The following TWSG1 variants were observed in gnomAD, a reference collection of about 807,000 sequenced individuals.
The protein encoded by TWSG1 is twisted gastrulation protein homolog 1.
Under a neutral mutation model 23.0 loss-of-function variants are expected in TWSG1, and 15 were observed. That is an observed-to-expected ratio of 0.65 (90% confidence interval 0.44 to 1.00). The LOEUF (loss-of-function observed/expected upper bound fraction) is 1.00, where lower values mean the gene tolerates loss of function less well. Ranked by LOEUF, TWSG1 falls within the 50% of genes least tolerant of loss-of-function variation. The probability of loss-of-function intolerance (pLI) is 0.00; values close to 1 mark genes in which losing one functional copy is unlikely to be tolerated. For missense variants in TWSG1, 242 were observed against 278.7 expected (o/e 0.87, Z 0.94); for synonymous variants, 86 against 92.8 (o/e 0.93, Z 0.42).
chr18:9,397,526 A>G (rs934120042), intron 4 of TWSG1, among the ~76,000 whole-genome samples: 14 of 152,260 alleles, frequency 9.2e-5, no homozygotes, highest in Non-Finnish European at 1.8e-4. Flanking sequence ...TGTAAAGAGC[A>G]TGTGACTTTT....
At chr18:9,381,401 A>C (rs1269235763) in intron 3 of TWSG1, among the ~76,000 whole-genome samples, 1 of 152,216 alleles carries the variant, frequency 6.6e-6, no homozygotes, top group Non-Finnish European at 1.5e-5. Flanking sequence ...TCACACAGCT[A>C]TGTAATTGGA....
chr18:9,337,674 G>T (rs138994910), intron 2 of TWSG1, among the ~76,000 whole-genome samples: 1 of 152,268 alleles, frequency 6.6e-6, no homozygotes, highest in East Asian at 1.9e-4. Context: ...TTCAATGAAT[G>T]TATTTAGAAA....
chr18:9,402,349 C>T lies in TWSG1; in HGVS notation c.*2822C>T, dbSNP rs185509633. ...TTATTGTATTTTATATGATCTACAA[C>T]ATATAAAATTGTGTATTTTTCTTTG... is the stretch of plus-strand genomic sequence containing the variant. On this transcript the variant is annotated 3_prime_UTR_variant, in exon 5 of 5. Coordinates refer to ENST00000262120, the MANE Select transcript of TWSG1 (RefSeq NM_020648.6). The T allele has an allele frequency of 1.3e-3, 195 of 152,140 alleles. No homozygotes were observed. The highest frequency in any genetic ancestry group is 4.5e-3 in the African/African-American group (185 of 41,512). 9.4% of individuals were successfully genotyped at this position (152,140 alleles called of 1,614,324 possible). A position where few individuals can be genotyped will look rare whatever the true frequency, so the allele number is the denominator to read the frequency against.
At chr18:9,353,041 G>A (rs972518286) in intron 2 of TWSG1, among the ~76,000 whole-genome samples, 1 of 152,122 alleles carries the variant, frequency 6.6e-6, no homozygotes. Flanking sequence ...GTGTAGACAT[G>A]CAAATATTTA....
chr18:9,363,113 G>T (rs879673154), intron 3 of TWSG1, among the ~76,000 whole-genome samples: 1 of 152,144 alleles, frequency 6.6e-6, no homozygotes, highest in Admixed American at 6.6e-5. Flanking sequence ...AAATTAGAGT[G>T]CAGCCTTCCT....
chr18:9,381,237 G>A (rs938886515), intron 3 of TWSG1, among the ~76,000 whole-genome samples: 2 of 152,156 alleles, frequency 1.3e-5, no homozygotes, highest in Admixed American at 6.6e-5. Context: ...TTGCCGTAGC[G>A]ATATAGCTAC....
intron 3 of TWSG1, among the ~76,000 whole-genome samples, chr18:9,362,148 A>C (rs927740723): frequency 1.3e-5 from 2 of 152,202 alleles, no homozygotes; most frequent in African/African-American, 4.8e-5. Flanking sequence ...CTGTATATTA[A>C]TTTAATATGT....
At chr18:9,375,242 T>A (rs1173570531) in intron 3 of TWSG1, among the ~76,000 whole-genome samples, 1 of 148,612 alleles carries the variant, frequency 6.7e-6, no homozygotes, top group Non-Finnish European at 1.5e-5. Flanking sequence ...AAAAATCACA[T>A]GATTATATCA....
At chr18:9,395,276 C>T (rs1244333645) in intron 3 of TWSG1, among the ~76,000 whole-genome samples, 8 of 152,100 alleles carry the variant, frequency 5.3e-5, no homozygotes, top group Admixed American at 3.9e-4. Context: ...TATTGGTGCC[C>T]GCCAGACTTC....
At chr18:9,344,751 G>A (rs557687045) in intron 2 of TWSG1, among the ~76,000 whole-genome samples, 71 of 151,448 alleles carry the variant, frequency 4.7e-4, no homozygotes, top group African/African-American at 1.6e-3. Flanking sequence ...TTTTTTGTGT[G>A]TGTGTGTTTG....
At chr18:9,374,021 C>T (rs1446830216) in intron 3 of TWSG1, among the ~76,000 whole-genome samples, 1 of 151,986 alleles carries the variant, frequency 6.6e-6, no homozygotes, top group Non-Finnish European at 1.5e-5. Flanking sequence ...ATGAAAACAT[C>T]AAAATTTGAG....
intron 3 of TWSG1, among the ~76,000 whole-genome samples, chr18:9,380,172 C>T (rs1484650611): frequency 6.6e-6 from 1 of 152,082 alleles, no homozygotes; most frequent in East Asian, 1.9e-4. Context: ...ATAGCTAATG[C>T]TTTTATAGCA....
At position 9,399,272 on chromosome 18, in the gene TWSG1, A is replaced by G. The variant is rs903455631; in HGVS notation, c.491-74A>G. 14 of 1,004,106 alleles carry G rather than the reference A, an allele frequency of 1.4e-5. No individual in the cohort carries two copies. In the Admixed American group the frequency reaches 2.8e-4, roughly 20 times the overall value. The allele number at this position is 1,004,106 out of a possible 1,614,324, so 62.2% of individuals were successfully genotyped here. ...CAAGATAAATAACTGTTAATATTCA[A>G]CTAGGTAATAAAGCATTTTATTTTT... On this transcript the variant is annotated intron_variant, in intron 4 of 4. Transcript: ENST00000262120.
chr18:9,396,308 C>T lies in TWSG1; in HGVS notation c.252C>T (p.Asp84=). The change falls in exon 4 of 5, where the codon GAC becomes GAT. Residue 84 remains aspartate, a synonymous_variant. Transcript: ENST00000262120. ...TGTGTAATCCTCGAAATTATAGTGACACACCTCCAACTTCAAAGAGCACAG... is the reference window on the plus strand; with the variant it reads ...TGTGTAATCCTCGAAATTATAGTGATACACCTCCAACTTCAAAGAGCACAG... ...VGMCNPRNYS[D]TPPTSKSTVE... 6.2e-7 allele frequency: 1 copy of T among 1,614,138 alleles called. No homozygotes were observed. The highest frequency in any genetic ancestry group is 8.5e-7 in the Non-Finnish European group (1 of 1,180,014).
At chr18:9,369,156 AAAAT>A (rs2040593333) in intron 3 of TWSG1, among the ~76,000 whole-genome samples, 2 of 150,802 alleles carry the variant, frequency 1.3e-5, no homozygotes, top group African/African-American at 2.4e-5. Flanking sequence ...AAAATAAAAT[AAAAT>A]AAATAATTTG....
intron 2 of TWSG1, among the ~76,000 whole-genome samples, chr18:9,342,289 G>A (rs1329156366): frequency 6.6e-6 from 1 of 152,192 alleles, no homozygotes; most frequent in Non-Finnish European, 1.5e-5. Flanking sequence ...TAACCATACT[G>A]TGCGAGTATT....
intron 2 of TWSG1, among the ~76,000 whole-genome samples, chr18:9,344,821 C>T (rs781427727): frequency 6.6e-6 from 1 of 152,100 alleles, no homozygotes; most frequent in Non-Finnish European, 1.5e-5. Context: ...TATCATAGCT[C>T]ACTGCAGCCT....
intron 2 of TWSG1, among the ~76,000 whole-genome samples, chr18:9,356,197 C>T (rs747423417): frequency 6.6e-6 from 1 of 152,118 alleles, no homozygotes; most frequent in Non-Finnish European, 1.5e-5. Flanking sequence ...AATTATAAAG[C>T]AGTAAGCATA....
At chr18:9,366,265 T>G (rs955571748) in intron 3 of TWSG1, among the ~76,000 whole-genome samples, 4 of 152,202 alleles carry the variant, frequency 2.6e-5, no homozygotes, top group Non-Finnish European at 5.9e-5. Flanking sequence ...AACCACAGCT[T>G]GGCTCATTTT....
Sources: allele counts gnomAD v4.1 joint callset (sites outside exome capture counted in the v4.1 genomes callset), GRCh38; gene constraint gnomAD v4.1.1; transcripts MANE v1.5; gene names NCBI Gene and HGNC (gene_info 2026-07-23, HGNC 2026-07-21).